Variants in PLAA observed in about 807,000 individuals in gnomAD.
PLAA encodes the protein phospholipase A-2-activating protein.
In PLAA, 48 loss-of-function variants were observed where a neutral mutation model predicts 84.1. The observed-to-expected ratio is 0.57, with a 90% confidence interval of 0.45 to 0.73. The LOEUF is 0.73. Ranked by LOEUF, PLAA falls within the 30% of genes least tolerant of loss-of-function variation. PLAA has a pLI of 0.00. For missense variants in PLAA, 903 were observed against 954.7 expected, an observed-to-expected ratio of 0.95 and a Z score of 0.71; for synonymous variants, 392 against 336.6, an observed-to-expected ratio of 1.16 and a Z score of -1.80.
chr9:26,909,600 C>T (rs1348902876), intron 12 of PLAA, among the ~76,000 whole-genome samples: 1 of 151,608 alleles, frequency 6.6e-6, no homozygotes, highest in Non-Finnish European at 1.5e-5. Context: ...ATCAAAGTCA[C>T]TAAAGCAGAT....
chr9:26,908,271 A>G (rs562360876), intron 12 of PLAA, among the ~76,000 whole-genome samples: 1 of 148,060 alleles, frequency 6.8e-6, no homozygotes, highest in Non-Finnish European at 1.5e-5. Context: ...GGTTCAAGCA[A>G]TTCTCCTGCC....
chr9:26,908,674 AG>A (rs1824311608), intron 12 of PLAA, among the ~76,000 whole-genome samples: 2 of 151,948 alleles, frequency 1.3e-5, no homozygotes, highest in Admixed American at 6.5e-5. Context: ...CATGTTGGCC[AG>A]GCTGACCAAC....
At chr9:26,937,225 A>G (rs923326312) in intron 1 of PLAA, among the ~76,000 whole-genome samples, 15 of 152,178 alleles carry the variant, frequency 9.9e-5, no homozygotes, top group African/African-American at 3.6e-4. Context: ...AAAGACTAAG[A>G]TATTCAAAAG....
Position 26,928,160 on chromosome 9 carries a change from CA to C in PLAA, c.504del (p.Gly169AspfsTer26). The C allele has an allele frequency of 6.2e-7, 1 of 1,614,198 alleles. No individual in the cohort carries two copies. The highest frequency in any genetic ancestry group is 8.5e-7 in the Non-Finnish European group (1 of 1,180,024). On this transcript the variant is annotated frameshift_variant, in exon 4 of 14. Coordinates refer to ENST00000397292, the MANE Select transcript of PLAA (RefSeq NM_001031689.3). LOFTEE classifies it high-confidence loss of function. ...AGTTTAACAGTCTTGTCTGCTGATC[CA>C]GTCAACATTAAGCCCTGTTCAGGTA... ...KILPEQGLML[T>X]GSADKTVKLW... is the part of the protein sequence containing the mutation.
At chr9:26,939,834 C>T (rs892656017) in intron 1 of PLAA, among the ~76,000 whole-genome samples, 3 of 151,808 alleles carry the variant, frequency 2.0e-5, no homozygotes, top group African/African-American at 2.4e-5. Context: ...ATAAAAAGTT[C>T]GGTACAGGAA....
Position 26,934,995 on chromosome 9 carries a change from A to G in PLAA, c.343+18T>C. On this transcript the variant is annotated intron_variant, in intron 2 of 13. Transcript: ENST00000397292. Reference sequence around the variant, plus strand: ...TAAAACTTCAAATAGAAAAACACCAAAGCATTATTATACTCACCAGTATTT... The same window carrying G: ...TAAAACTTCAAATAGAAAAACACCAGAGCATTATTATACTCACCAGTATTT... 1 of 1,504,302 alleles carries G rather than the reference A, an allele frequency of 6.6e-7. No homozygotes were observed. The highest frequency in any genetic ancestry group is 8.9e-7 in the Non-Finnish European group (1 of 1,120,210). The allele number at this position is 1,504,302 out of a possible 1,614,324, so 93.2% of individuals were successfully genotyped here. A position where few individuals can be genotyped will look rare whatever the true frequency, so the allele number is the denominator to read the frequency against.
chr9:26,928,351 G>A lies in PLAA; in HGVS notation c.401C>T (p.Thr134Ile). The change falls in exon 3 of 14, where the codon ACT (threonine) becomes ATT (isoleucine). Residue 134 changes from threonine to isoleucine, a missense_variant. By Grantham distance (89) the Thr-to-Ile change is moderately conservative. Coordinates refer to ENST00000397292, the MANE Select transcript of PLAA (RefSeq NM_001031689.3). ...CTTGTCATTCAGCCAGACTTTAGCA[G>A]TGGTGTCCCATGAACCACTAAGTAA... ...GTLLSGSWDT[T>I]AKVWLNDKCM... The A allele has an allele frequency of 1.9e-6, 3 of 1,614,152 alleles. No homozygotes were observed. The highest frequency in any genetic ancestry group is 1.7e-6 in the Non-Finnish European group (2 of 1,179,982).
intron 12 of PLAA, among the ~76,000 whole-genome samples, chr9:26,909,015 G>A (rs1467691207): frequency 1.3e-5 from 2 of 152,050 alleles, no homozygotes; most frequent in Non-Finnish European, 1.5e-5. Context: ...TGGACATACT[G>A]CCCTTTCTTC....
At chr9:26,916,632 T>C (rs1380884022) in intron 10 of PLAA, 1 of 989,732 alleles carries the variant, frequency 1.0e-6, no homozygotes, top group Non-Finnish European at 1.2e-6. Context: ...TGGCTCCTTC[T>C]CTGCTCGTGA....
intron 10 of PLAA, chr9:26,916,819 C>T: frequency 2.8e-6 from 1 of 357,272 alleles, no homozygotes; most frequent in Non-Finnish European, 4.3e-6. Flanking sequence ...GACTCTAAAA[C>T]CTATATTCTT....
chr9:26,936,695 C>T (rs1298432842), intron 1 of PLAA, among the ~76,000 whole-genome samples: 84 of 150,652 alleles, frequency 5.6e-4, no homozygotes, highest in Non-Finnish European at 1.0e-4. Flanking sequence ...GGATCCTGTC[C>T]TCCAAATATC....
chr9:26,945,244 T>C (rs1183774330), intron 1 of PLAA, among the ~76,000 whole-genome samples: 1 of 152,180 alleles, frequency 6.6e-6, no homozygotes, highest in African/African-American at 2.4e-5. Context: ...GATTAAACCC[T>C]TGTCAAACTA....
In PLAA at chr9:26,946,980, C is replaced by G; in HGVS notation, c.66G>C (p.Arg22=). 6.3e-7 allele frequency: 1 copy of G among 1,593,594 alleles called. No homozygotes were observed. The highest frequency in any genetic ancestry group is 1.3e-5 in the African/African-American group (1 of 74,628). ...CSLRGHELDV[R]GLVCCAYPPG... ...GCGGATAGGCGCAGCACACCAGGCCCCGTACGTCCAGCTCGTGGCCCCGGA... is the reference window on the plus strand; with the variant it reads ...GCGGATAGGCGCAGCACACCAGGCCGCGTACGTCCAGCTCGTGGCCCCGGA... The change falls in exon 1 of 14, where the codon CGG becomes CGC. Residue 22 remains arginine, a synonymous_variant. Coordinates refer to ENST00000397292, the MANE Select transcript of PLAA (RefSeq NM_001031689.3).
At chr9:26,908,358 G>A (rs906751433) in intron 12 of PLAA, among the ~76,000 whole-genome samples, 1 of 151,670 alleles carries the variant, frequency 6.6e-6, no homozygotes, top group Non-Finnish European at 1.5e-5. Flanking sequence ...AGTAGAGACG[G>A]GGTTTCACCA....
chr9:26,916,719 T>TA (rs776102935), intron 10 of PLAA: 51 of 986,520 alleles, frequency 5.2e-5, no homozygotes, highest in South Asian at 1.3e-4. Context: ...ATTTCACAGA[T>TA]AAAAAAAATA....
chr9:26,938,188 A>G (rs1825418871), intron 1 of PLAA, among the ~76,000 whole-genome samples: 1 of 152,186 alleles, frequency 6.6e-6, no homozygotes, highest in South Asian at 2.1e-4. Context: ...CCTCAATAAT[A>G]TAATTAGTAG....
chr9:26,939,847 A>C (rs1825476310), intron 1 of PLAA, among the ~76,000 whole-genome samples: 2 of 152,208 alleles, frequency 1.3e-5, no homozygotes, highest in South Asian at 4.1e-4. Context: ...TACAGGAAGA[A>C]GATATAACAA....
chr9:26,915,965 A>G (rs1202123502), intron 10 of PLAA: 8 of 985,310 alleles, frequency 8.1e-6, no homozygotes, highest in Non-Finnish European at 9.6e-6. Flanking sequence ...GATCCTTACT[A>G]CCATTTGAAA....
At position 26,907,933 on chromosome 9, in the gene PLAA, G is replaced by A. The variant is rs148248479; in HGVS notation, c.1723C>T (p.Leu575Phe). ...ATTAGAGACAGTATCTTCTCAAGAAGTATCAAGTCATCCTCAGTTAACTTC... is the reference window on the plus strand; with the variant it reads ...ATTAGAGACAGTATCTTCTCAAGAAATATCAAGTCATCCTCAGTTAACTTC... ...EKKLTEDDLILLEKILSLICN... is the reference protein window; with the variant it reads ...EKKLTEDDLIFLEKILSLICN... The change falls in exon 13 of 14, where the codon CTT becomes TTT. Residue 575 changes from leucine (L) to phenylalanine (F), a missense_variant. Physicochemically the swap from Leu to Phe is conservative, Grantham distance 22. Transcript: ENST00000397292. 1,045 of 1,610,862 alleles carry A rather than the reference G, an allele frequency of 6.5e-4. 2 individuals carry two copies. The highest frequency in any genetic ancestry group is 7.7e-4 in the Non-Finnish European group (902 of 1,178,780).
Sources: gnomAD v4.1 joint callset for allele counts (sites outside exome capture counted in the v4.1 genomes callset) on GRCh38, gnomAD v4.1.1 for gene constraint, MANE v1.5 for transcripts, NCBI Gene and HGNC (gene_info 2026-07-23, HGNC 2026-07-21) for gene names.